Variants in FRS2 observed in about 807,000 individuals in gnomAD.
FRS2 encodes the protein FGFR signalling adaptor.
In FRS2, 8 loss-of-function variants were observed where a neutral mutation model predicts 43.9. The ratio of observed to expected loss-of-function variants is 0.18; its 90% CI spans 0.11 to 0.33. FRS2 has a LOEUF of 0.33. FRS2 is among the 10% of genes least tolerant of loss of function. The pLI, the probability that FRS2 is intolerant of heterozygous loss-of-function variation, is 1.00. For synonymous variants in FRS2, 219 were observed against 220.3 expected (o/e 0.99, Z 0.05); for missense variants, 534 against 627.6 (o/e 0.85, Z 1.59).
chr12:69,539,393 G>T (rs1484779895), intron 3 of FRS2, among the ~76,000 whole-genome samples: 4 of 152,124 alleles, frequency 2.6e-5, no homozygotes, highest in African/African-American at 9.6e-5. Flanking sequence ...GGGGTTTTTT[G>T]GATTTCAAAG....
intron 1 of FRS2, among the ~76,000 whole-genome samples, chr12:69,505,733 A>G (rs531948538): frequency 1.3e-5 from 2 of 152,328 alleles, no homozygotes; most frequent in Non-Finnish European, 2.9e-5. Context: ...CCTTTTGTGT[A>G]TTTGTAGTGG....
intron 1 of FRS2, among the ~76,000 whole-genome samples, chr12:69,489,723 T>C (rs772842748): frequency 4.6e-5 from 7 of 151,804 alleles, no homozygotes; most frequent in Non-Finnish European, 7.4e-5. Flanking sequence ...TTGTCCTTTT[T>C]CTCTGTAATT....
chr12:69,480,642 A>T (rs1871273555), intron 1 of FRS2, among the ~76,000 whole-genome samples: 2 of 152,214 alleles, frequency 1.3e-5, no homozygotes. Flanking sequence ...TTGGGTTTTT[A>T]AAAATTTCAT....
At chr12:69,544,343 T>G (rs1465753740) in intron 3 of FRS2, among the ~76,000 whole-genome samples, 1 of 152,092 alleles carries the variant, frequency 6.6e-6, no homozygotes, top group Non-Finnish European at 1.5e-5. Flanking sequence ...CATGATTGTG[T>G]CAATTGATGC....
intron 1 of FRS2, among the ~76,000 whole-genome samples, chr12:69,521,495 A>G (rs1052603646): frequency 1.3e-5 from 2 of 152,282 alleles, no homozygotes; most frequent in East Asian, 1.9e-4. Flanking sequence ...TTTAAGGGGA[A>G]TGCTTCCAGC....
At chr12:69,477,819 C>A (rs944474878) in intron 1 of FRS2, among the ~76,000 whole-genome samples, 2 of 150,896 alleles carry the variant, frequency 1.3e-5, no homozygotes, top group Non-Finnish European at 2.9e-5. Flanking sequence ...TGGCTCACTG[C>A]AAGCTCCGCC....
rs558278003 is a variant in FRS2 at position 69,578,299 on chromosome 12, T to C, written c.*3344T>C. The C allele has an allele frequency of 5.2e-5, 8 of 152,712 alleles. No homozygotes were observed. In the East Asian group the frequency reaches 1.5e-3, roughly 29 times the overall value. 9.5% of individuals were successfully genotyped at this position (152,712 alleles called of 1,614,324 possible). A position where few individuals can be genotyped will look rare whatever the true frequency, so the allele number is the denominator to read the frequency against. On this transcript the variant is annotated 3_prime_UTR_variant, in exon 9 of 9. Transcript: ENST00000549921. ...ATTGGCATCTCATTCATATTTCTGA[T>C]GTGTGAGGTATATGGTACTAATTAC... is the stretch of plus-strand genomic sequence containing the variant.
intron 3 of FRS2, among the ~76,000 whole-genome samples, chr12:69,545,028 AAAAG>A (rs1878247587): frequency 1.3e-5 from 2 of 152,226 alleles, no homozygotes; most frequent in South Asian, 4.1e-4. Flanking sequence ...AACAATATGA[AAAAG>A]AAATTAAGAA....
At chr12:69,502,407 T>A (rs1339234513) in intron 1 of FRS2, among the ~76,000 whole-genome samples, 1 of 152,158 alleles carries the variant, frequency 6.6e-6, no homozygotes, top group African/African-American at 2.4e-5. Flanking sequence ...TTTTAATTTT[T>A]TTTTTATTAT....
chr12:69,571,514 AAC>A, intron 7 of FRS2, 80 bp downstream of exon 7: 1 of 1,095,672 alleles, frequency 9.1e-7, no homozygotes, highest in East Asian at 2.4e-5. Flanking sequence ...TTTAATCAAT[AAC>A]ACACTAGAAA....
rs1881427960 is a variant in FRS2, at chr12:69,579,691, TAA to T, written c.*4738_*4739del. 2 of 152,224 alleles carry T rather than the reference TAA, an allele frequency of 1.3e-5. No individual in the cohort carries two copies. The highest frequency in any genetic ancestry group is 2.9e-5 in the Non-Finnish European group (2 of 68,032). 9.4% of individuals were successfully genotyped at this position (152,224 alleles called of 1,614,324 possible). A position where few individuals can be genotyped will look rare whatever the true frequency, so the allele number is the denominator to read the frequency against. ...ATTCATGAAAAGCTGCTTTATTGAA[TAA>T]AGTCTGATTGGAGTTCTTTTCATGC... is the stretch of plus-strand genomic sequence containing the variant. On this transcript the variant is annotated 3_prime_UTR_variant, in exon 9 of 9. Transcript: ENST00000549921.
intron 3 of FRS2, among the ~76,000 whole-genome samples, 190 bp from the exon 4 acceptor site, chr12:69,561,990 G>T (rs904301002): frequency 6.6e-6 from 1 of 152,144 alleles, no homozygotes; most frequent in Non-Finnish European, 1.5e-5. Flanking sequence ...TTCTGAAAAA[G>T]AATGATAACA....
intron 1 of FRS2, among the ~76,000 whole-genome samples, chr12:69,495,268 C>G (rs1379424585): frequency 6.6e-6 from 1 of 152,166 alleles, no homozygotes; most frequent in African/African-American, 2.4e-5. Flanking sequence ...TAAATAAATA[C>G]TTGCTAAGTA....
rs930246373 is a variant in FRS2 at position 69,473,526 on chromosome 12, C to G, written c.-261+2996C>G. On this transcript the variant is annotated intron_variant, in intron 1 of 8. Coordinates refer to ENST00000549921, the MANE Select transcript of FRS2 (RefSeq NM_001278356.2). ...ACCAGATTACCTGGAATATACTGTT[C>G]ATTTTTGGGAATTAGAGATGAGGTT... 5.3e-5 allele frequency among the ~76,000 whole-genome samples: 8 copies of G among 152,086 alleles called. No individual in the cohort carries two copies. In the East Asian group the frequency reaches 1.5e-3, roughly 29 times the overall value.
chr12:69,530,306 C>T lies in FRS2; in HGVS notation c.-260-559C>T, dbSNP rs529784318. Among the ~76,000 whole-genome samples, 14 of 150,794 alleles carry T rather than the reference C, an allele frequency of 9.3e-5. No individual in the cohort carries two copies. The South Asian group carries it at 2.3e-3, about 25-fold the overall frequency. On this transcript the variant is annotated intron_variant, in intron 1 of 8. Transcript: ENST00000549921. ...TTTTTCCAGTCTGTAAATGGCACTC[C>T]GGAGTTGCAAGGTCCCACTGGGTGA...
intron 7 of FRS2, among the ~76,000 whole-genome samples, chr12:69,571,687 C>A (rs973084680): frequency 4.6e-5 from 7 of 151,940 alleles, no homozygotes; most frequent in Admixed American, 4.6e-4. Flanking sequence ...CTGTGAACCT[C>A]CATCTCTACT....
chr12:69,498,018 AT>A (rs11304419), intron 1 of FRS2, among the ~76,000 whole-genome samples: 30,977 of 151,110 alleles, frequency 0.2, 3,491 homozygotes, highest in East Asian at 0.38. Context: ...GTTTTTTCAG[AT>A]TTTTTTTTTA....
intron 3 of FRS2, among the ~76,000 whole-genome samples, chr12:69,559,665 C>A (rs769712158): frequency 1.1e-4 from 16 of 151,902 alleles, no homozygotes; most frequent in Non-Finnish European, 1.8e-4. Flanking sequence ...GAGAATCTCC[C>A]CTCCTTAGCT....
intron 1 of FRS2, among the ~76,000 whole-genome samples, chr12:69,472,698 C>A (rs533029235): frequency 1.3e-5 from 2 of 152,238 alleles, no homozygotes; most frequent in East Asian, 3.9e-4. Flanking sequence ...GCATAGCATG[C>A]TATTTGCTAT....
Sources: allele counts gnomAD v4.1 joint callset (sites outside exome capture counted in the v4.1 genomes callset), GRCh38; gene constraint gnomAD v4.1.1; transcripts MANE v1.5; gene names NCBI Gene and HGNC (gene_info 2026-07-23, HGNC 2026-07-21).